Variants in ATP9B observed in about 807,000 individuals in gnomAD.
The protein encoded by ATP9B is ATPase phospholipid transporting 9B.
Under a neutral mutation model 146.1 loss-of-function variants are expected in ATP9B, and 110 were observed. The ratio of observed to expected loss-of-function variants is 0.75; its 90% CI spans 0.65 to 0.88. The LOEUF (loss-of-function observed/expected upper bound fraction) is 0.88. ATP9B is among the 40% of genes least tolerant of loss of function. The pLI is 0.00. For missense variants in ATP9B, 1,499 were observed against 1,496.4 expected (o/e 1.00, Z -0.03); for synonymous variants, 604 against 569.7 (o/e 1.06, Z -0.86).
At position 79,372,844 on chromosome 18, in the gene ATP9B, A is replaced by G; in HGVS notation, c.3032A>G (p.Lys1011Arg). The change falls in exon 27 of 30, where the codon AAA becomes AGA. Residue 1011 changes from lysine (K) to arginine (R), a missense_variant. Lys to Arg is a conservative substitution (Grantham distance 26). Coordinates refer to ENST00000426216, the MANE Select transcript of ATP9B (RefSeq NM_198531.5). ...DLTKGRSLSF[K>R]TFLIWVLISI... ...CCCTAGGGAAGATCCTTGTCCTTCA[A>G]AACCTTCCTCATCTGGGTTTTAATA... 6.2e-7 allele frequency: 1 copy of G among 1,611,916 alleles called. No homozygotes were observed. The highest frequency in any genetic ancestry group is 8.5e-7 in the Non-Finnish European group (1 of 1,177,990).
intron 8 of ATP9B, among the ~76,000 whole-genome samples, chr18:79,190,423 C>G (rs2095352906): frequency 6.6e-6 from 1 of 151,910 alleles, no homozygotes; most frequent in South Asian, 2.1e-4. Flanking sequence ...CTGCACAGTT[C>G]CAACCCATGT....
chr18:79,202,754 TGAAA>T lies in ATP9B; in HGVS notation c.955-4176_955-4173del, dbSNP rs574779655. On this transcript the variant is annotated intron_variant, in intron 9 of 29. Transcript: ENST00000426216. ...TAGTCAATCATCGCCATTCCAGAAC[TGAAA>T]GAAAGATGCATAGATATTGTGTTTT... is the stretch of plus-strand genomic sequence containing the variant. 1.6e-4 allele frequency among the ~76,000 whole-genome samples: 25 copies of T among 152,296 alleles called. No individual in the cohort carries two copies. The East Asian group carries it at 4.4e-3, about 27-fold the overall frequency.
chr18:79,372,719 C>T (rs776174919), intron 26 of ATP9B, 106 bp from the exon 27 acceptor site: 1 of 802,066 alleles, frequency 1.2e-6, no homozygotes, highest in Non-Finnish European at 2.2e-6. Context: ...ATGGATGGGG[C>T]TTATGGACCT....
intron 1 of ATP9B, among the ~76,000 whole-genome samples, chr18:79,094,867 G>T (rs2074654518): frequency 6.6e-6 from 1 of 152,150 alleles, no homozygotes; most frequent in African/African-American, 2.4e-5. Flanking sequence ...AAATATGACA[G>T]GTTGTGATCA....
At chr18:79,299,530 T>C (rs2096575849) in intron 13 of ATP9B, among the ~76,000 whole-genome samples, 1 of 152,198 alleles carries the variant, frequency 6.6e-6, no homozygotes, top group South Asian at 2.1e-4. Flanking sequence ...ACATGGACCC[T>C]GCATTAGTGC....
intron 11 of ATP9B, among the ~76,000 whole-genome samples, chr18:79,242,204 G>C (rs116423200): frequency 0.019 from 2,940 of 152,274 alleles, 42 homozygotes; most frequent in Middle Eastern, 0.044. Context: ...GTTTAGGCTG[G>C]CAAGATTGTT....
At chr18:79,331,878 T>A (rs1388021079) in intron 17 of ATP9B, among the ~76,000 whole-genome samples, 1 of 151,956 alleles carries the variant, frequency 6.6e-6, no homozygotes, top group East Asian at 1.9e-4. Context: ...CAAACCTGAG[T>A]TGGGCCCTGG....
chr18:79,074,234 A>C (rs778976211), intron 1 of ATP9B, among the ~76,000 whole-genome samples: 39 of 152,238 alleles, frequency 2.6e-4, no homozygotes, highest in African/African-American at 8.7e-4. Context: ...GGCGTCTCTT[A>C]CTAAAAGATG....
chr18:79,203,224 G>A (rs533207078), intron 9 of ATP9B, among the ~76,000 whole-genome samples: 5 of 148,950 alleles, frequency 3.4e-5, no homozygotes, highest in African/African-American at 7.4e-5. Flanking sequence ...GCAGTAGGAC[G>A]TGGAGGAGCA....
At position 79,161,954 on chromosome 18, in the gene ATP9B, A is replaced by G. The variant is rs1370609648; in HGVS notation, c.778+7399A>G. 2.0e-5 allele frequency among the ~76,000 whole-genome samples: 3 copies of G among 152,252 alleles called. No homozygotes were observed. The East Asian group carries it at 5.8e-4, about 29-fold the overall frequency. ...TGTGTTATAATATTGCTTTCAATCA[A>G]GAATTCTTAGCTTTAGAAATTCTGT... On this transcript the variant is annotated intron_variant, in intron 7 of 29. Coordinates refer to ENST00000426216, the MANE Select transcript of ATP9B (RefSeq NM_198531.5).
At chr18:79,282,041 G>A (rs578112086) in intron 13 of ATP9B, among the ~76,000 whole-genome samples, 10 of 152,310 alleles carry the variant, frequency 6.6e-5, no homozygotes, top group Admixed American at 2.0e-4. Context: ...AGACCTCAGC[G>A]GAGGGAAGAG....
chr18:79,091,068 C>A (rs1599459709), intron 1 of ATP9B, among the ~76,000 whole-genome samples: 1 of 152,104 alleles, frequency 6.6e-6, no homozygotes, highest in East Asian at 1.9e-4. Context: ...TTCTTGGCAC[C>A]TTTGTCAAAA....
intron 12 of ATP9B, among the ~76,000 whole-genome samples, chr18:79,256,804 G>T (rs1039367402): frequency 6.6e-6 from 1 of 152,130 alleles, no homozygotes; most frequent in Middle Eastern, 3.4e-3. Flanking sequence ...CTAGACCTCC[G>T]GGCCGCAGCC....
chr18:79,189,132 A>G lies in ATP9B; in HGVS notation c.874-4051A>G, dbSNP rs538676882. On this transcript the variant is annotated intron_variant, in intron 8 of 29. Transcript: ENST00000426216. ...GGGAGGCTGAGGCAGGTGGATCACA[A>G]GGTCAGGAGTTCAAGACCAGTCTGA... is the stretch of plus-strand genomic sequence containing the variant. 2.2e-4 allele frequency among the ~76,000 whole-genome samples: 34 copies of G among 152,208 alleles called. No homozygotes were observed. The South Asian group carries it at 4.6e-3, about 20-fold the overall frequency.
rs370689492 is a variant in ATP9B at position 79,267,753 on chromosome 18, C to G, written c.1269-9301C>G. 2.4e-3 allele frequency among the ~76,000 whole-genome samples: 361 copies of G among 152,188 alleles called. 1 individual carries two copies. The highest frequency in any genetic ancestry group is 6.4e-3 in the South Asian group (31 of 4,828). The stretch of plus-strand genomic sequence containing the variant: ...TTCAGATCTATGAAATGTGTTGAGA[C>G]TTGTTCTAGGGTCCAATATTTAGTC... On this transcript the variant is annotated intron_variant, in intron 12 of 29. Transcript: ENST00000426216.
At chr18:79,082,882 T>A (rs536392973) in intron 1 of ATP9B, among the ~76,000 whole-genome samples, 107 of 152,280 alleles carry the variant, frequency 7.0e-4, no homozygotes, top group African/African-American at 2.3e-3. Context: ...TACATGGCGG[T>A]CAGGGATCCA....
chr18:79,376,040 C>A, intron 29 of ATP9B: 1 of 985,090 alleles, frequency 1.0e-6, no homozygotes, highest in Non-Finnish European at 1.2e-6. Context: ...GGGTGACAGG[C>A]GAGAACATTC....
intron 12 of ATP9B, among the ~76,000 whole-genome samples, chr18:79,268,245 T>C (rs1451212751): frequency 2.0e-5 from 3 of 152,186 alleles, no homozygotes; most frequent in Non-Finnish European, 4.4e-5. Flanking sequence ...TATGTGTCTC[T>C]TGTAATTAGC....
chr18:79,247,367 T>A (rs150997069), intron 11 of ATP9B, among the ~76,000 whole-genome samples: 1 of 152,196 alleles, frequency 6.6e-6, no homozygotes, highest in South Asian at 2.1e-4. Flanking sequence ...TGGACAATTA[T>A]AAAAAATTCT....
Sources: gnomAD v4.1 joint callset for allele counts (sites outside exome capture counted in the v4.1 genomes callset) on GRCh38, gnomAD v4.1.1 for gene constraint, MANE v1.5 for transcripts, NCBI Gene and HGNC (gene_info 2026-07-23, HGNC 2026-07-21) for gene names.